HS6ST3: variants seen among roughly 807,000 people sequenced by gnomAD.
HS6ST3 encodes heparan-sulfate 6-O-sulfotransferase 3.
HS6ST3 carries 12 observed loss-of-function variants against 36.7 expected under a neutral mutation model. The observed-to-expected ratio is 0.33, with a 90% CI of 0.21 to 0.53. The LOEUF (loss-of-function observed/expected upper bound fraction) is 0.53, where lower values mean the gene tolerates loss of function less well. HS6ST3 is among the 20% of genes least tolerant of loss of function. HS6ST3 has a pLI of 0.95. For missense variants in HS6ST3, 584 were observed against 640.9 expected (o/e 0.91, Z 0.96); for synonymous variants, 240 against 257.5 (o/e 0.93, Z 0.65).
At chr13:96,589,768 T>C in intron 1 of HS6ST3, among the ~76,000 whole-genome samples, 1 of 152,132 alleles carries the variant, frequency 6.6e-6, no homozygotes, top group East Asian at 1.9e-4. Context: ...TGTTAGCCAA[T>C]ACTAGGTCTT....
At chr13:96,450,650 A>C (rs2055723138) in intron 1 of HS6ST3, among the ~76,000 whole-genome samples, 1 of 152,210 alleles carries the variant, frequency 6.6e-6, no homozygotes, top group Admixed American at 6.5e-5. Flanking sequence ...ATTGCCCCAG[A>C]GGTTTCTGGC....
chr13:96,511,822 A>C (rs186399851), intron 1 of HS6ST3, among the ~76,000 whole-genome samples: 177 of 152,168 alleles, frequency 1.2e-3, no homozygotes, highest in Non-Finnish European at 2.1e-3. Context: ...AATCTTTTCC[A>C]TCATTTTGCA....
chr13:96,406,515 T>C (rs1249890816), intron 1 of HS6ST3, among the ~76,000 whole-genome samples: 4 of 152,244 alleles, frequency 2.6e-5, no homozygotes, highest in African/African-American at 4.8e-5. Context: ...ATTAGCAGAA[T>C]GTTTTAGCTA....
chr13:96,806,911 T>A (rs2138532063), intron 1 of HS6ST3, among the ~76,000 whole-genome samples: 1 of 152,296 alleles, frequency 6.6e-6, no homozygotes, highest in Non-Finnish European at 1.5e-5. Flanking sequence ...CTGTTAGATC[T>A]CCTCTTTTAT....
At chr13:96,635,268 T>TC (rs397790397) in intron 1 of HS6ST3, among the ~76,000 whole-genome samples, 12 of 151,622 alleles carry the variant, frequency 7.9e-5, no homozygotes, top group Non-Finnish European at 1.0e-4. Context: ...GTTTTTTTTT[T>TC]CCCTTAAGTG....
chr13:96,706,413 TTA>T (rs3052119), intron 1 of HS6ST3, among the ~76,000 whole-genome samples: 12,632 of 120,874 alleles, frequency 0.1, 717 homozygotes, highest in South Asian at 0.16. Flanking sequence ...AGAATATATT[TTA>T]TATATATATA....
chr13:96,319,988 C>T (rs1175698875), intron 1 of HS6ST3, among the ~76,000 whole-genome samples: 3 of 152,012 alleles, frequency 2.0e-5, no homozygotes, highest in Non-Finnish European at 2.9e-5. Context: ...TTAGTTTGTT[C>T]GTACGTGATT....
chr13:96,698,713 A>G (rs1448998719), intron 1 of HS6ST3, among the ~76,000 whole-genome samples: 2 of 152,172 alleles, frequency 1.3e-5, no homozygotes, highest in Non-Finnish European at 2.9e-5. Flanking sequence ...TGCCATCCCC[A>G]TCAAGCTACC....
At chr13:96,267,976 C>T (rs2054700926) in intron 1 of HS6ST3, among the ~76,000 whole-genome samples, 1 of 151,846 alleles carries the variant, frequency 6.6e-6, no homozygotes, top group Non-Finnish European at 1.5e-5. Flanking sequence ...GCTCACAAGA[C>T]CTCTTCTTTA....
At chr13:96,760,314 A>G (rs1467790608) in intron 1 of HS6ST3, among the ~76,000 whole-genome samples, 2 of 152,036 alleles carry the variant, frequency 1.3e-5, no homozygotes, top group African/African-American at 2.4e-5. Flanking sequence ...ATTTTTATTT[A>G]TATACCTTTA....
rs527888270 is a variant in HS6ST3, at chr13:96,597,372, T to C, written c.708-235118T>C. On this transcript the variant is annotated intron_variant, in intron 1 of 1. Coordinates refer to ENST00000376705, the MANE Select transcript of HS6ST3 (RefSeq NM_153456.4). ...AAAGAAAAAAAAAAAAAGGTCATTC[T>C]GGCTGGGTGAGGTAGTATCTTATTG... 2.6e-5 allele frequency among the ~76,000 whole-genome samples: 4 copies of C among 152,090 alleles called. No individual in the cohort carries two copies. The East Asian group carries it at 7.7e-4, about 29-fold the overall frequency.
chr13:96,317,318 G>A (rs191772463), intron 1 of HS6ST3, among the ~76,000 whole-genome samples: 82 of 120,204 alleles, frequency 6.8e-4, no homozygotes, highest in African/African-American at 2.5e-3. Context: ...TGGCTGTGTA[G>A]TATTCCATTA....
chr13:96,459,121 A>AAAAAAAAAAAAAAAAAAAAAAAAC (rs2055769458), intron 1 of HS6ST3, among the ~76,000 whole-genome samples: 1 of 146,348 alleles, frequency 6.8e-6, no homozygotes, highest in Admixed American at 6.8e-5. Context: ...AAAAAAAAAA[A>AAAAAAAAAAAAAAAAAAAAAAAAC]AAAAGAGGTG....
At chr13:96,280,467 C>A (rs1461427204) in intron 1 of HS6ST3, among the ~76,000 whole-genome samples, 1 of 152,028 alleles carries the variant, frequency 6.6e-6, no homozygotes, top group African/African-American at 2.4e-5. Flanking sequence ...GTGAGGGACC[C>A]AGTGTAGAGA....
At chr13:96,498,701 G>A (rs1255276815) in intron 1 of HS6ST3, among the ~76,000 whole-genome samples, 1 of 152,152 alleles carries the variant, frequency 6.6e-6, no homozygotes, top group African/African-American at 2.4e-5. Flanking sequence ...TAATGTCACT[G>A]TTCTTTTAGT....
intron 1 of HS6ST3, among the ~76,000 whole-genome samples, chr13:96,824,755 C>T (rs1442696130): frequency 2.0e-5 from 3 of 152,118 alleles, no homozygotes; most frequent in Admixed American, 1.3e-4. Context: ...ATGTGGTGGT[C>T]GCCTGTCCAT....
chr13:96,448,203 G>T (rs2055708583), intron 1 of HS6ST3, among the ~76,000 whole-genome samples: 1 of 151,990 alleles, frequency 6.6e-6, no homozygotes. Flanking sequence ...AAGTTTCTTG[G>T]TTACCTTTAA....
At chr13:96,619,732 G>T (rs1481982609) in intron 1 of HS6ST3, among the ~76,000 whole-genome samples, 2 of 152,154 alleles carry the variant, frequency 1.3e-5, no homozygotes, top group African/African-American at 4.8e-5. Context: ...TCTGGTTATT[G>T]TATTACCCAC....
intron 1 of HS6ST3, among the ~76,000 whole-genome samples, chr13:96,355,893 T>G (rs1467418606): frequency 3.6e-5 from 1 of 27,704 alleles, no homozygotes; most frequent in African/African-American, 4.1e-4. Flanking sequence ...CCACTGCTAC[T>G]TCATAACTAA....
Sources: gnomAD v4.1 joint callset for allele counts (sites outside exome capture counted in the v4.1 genomes callset) on GRCh38, gnomAD v4.1.1 for gene constraint, MANE v1.5 for transcripts, NCBI Gene and HGNC (gene_info 2026-07-23, HGNC 2026-07-21) for gene names.